The following UBR2 variants were observed in gnomAD, a reference collection of about 807,000 sequenced individuals.
The protein encoded by UBR2 is ubiquitin protein ligase E3 component n-recognin 2.
UBR2 carries 92 observed loss-of-function variants against 247.9 expected under a neutral mutation model. The observed-to-expected ratio is 0.37, with a 90% CI of 0.31 to 0.44. The LOEUF is 0.44. Ranked by LOEUF, UBR2 falls within the 20% of genes least tolerant of loss-of-function variation. The probability of loss-of-function intolerance (pLI) is 1.00; values close to 1 mark genes in which losing one functional copy is unlikely to be tolerated. For missense variants in UBR2, 1,613 were observed against 2,112.6 expected, an observed-to-expected ratio of 0.76 and a Z score of 4.64; for synonymous variants, 672 against 693.5, an observed-to-expected ratio of 0.97 and a Z score of 0.49.
At chr6:42,612,807 T>TA (rs1237511054) in intron 8 of UBR2, among the ~76,000 whole-genome samples, 2 of 152,030 alleles carry the variant, frequency 1.3e-5, no homozygotes, top group Non-Finnish European at 2.9e-5. Flanking sequence ...TTTGCGTTTT[T>TA]AAAAAATTTT....
intron 27 of UBR2, 41 bp from the exon 28 acceptor site, chr6:42,658,199 A>T (rs565500058): frequency 1.2e-6 from 2 of 1,609,734 alleles, no homozygotes; most frequent in Non-Finnish European, 1.7e-6. Context: ...GTACATTGTG[A>T]TCATATTTCA....
At chr6:42,653,606 CTTTTTTTTTTTTTTTT>C (rs72460060) in intron 25 of UBR2, among the ~76,000 whole-genome samples, 1 of 50,582 alleles carries the variant, frequency 2.0e-5, no homozygotes, top group Non-Finnish European at 3.3e-5. Flanking sequence ...ATGCTAAGCC[CTTTTTTTTTTTTTTTT>C]TTTTTTTTTT....
At chr6:42,690,255 C>A (rs1799679473) in intron 46 of UBR2, among the ~76,000 whole-genome samples, 1 of 152,226 alleles carries the variant, frequency 6.6e-6, no homozygotes. Flanking sequence ...CCTGTCCAGC[C>A]TTAAGTAGCA....
intron 14 of UBR2, among the ~76,000 whole-genome samples, chr6:42,635,852 C>G (rs1178405589): frequency 6.6e-6 from 1 of 152,010 alleles, no homozygotes; most frequent in Non-Finnish European, 1.5e-5. Context: ...TAAATTTATT[C>G]AAAAATAAAG....
chr6:42,602,150 TGAGCCACCGTGCCCGGCC>T (rs1281747671), intron 4 of UBR2, among the ~76,000 whole-genome samples: 3 of 151,912 alleles, frequency 2.0e-5, no homozygotes, highest in African/African-American at 7.3e-5. Context: ...ATTACAGGCG[TGAGCCACCGTGCCCGGCC>T]AAGCCACCAT....
chr6:42,615,301 C>T (rs1582541871), intron 9 of UBR2, 123 bp downstream of exon 9: 2 of 610,596 alleles, frequency 3.3e-6, no homozygotes, highest in Admixed American at 4.1e-5. Flanking sequence ...ATTAGCATTG[C>T]AGTCTTAGTC....
Position 42,689,702 on chromosome 6 carries a change from G to A in UBR2, c.5126+32G>A, listed in dbSNP as rs7753815. Reference sequence around the variant, plus strand: ...ACCCATCCTGAGTTAGCTAACTCAGGGCCTGCAGCGCCCTTCCGTATGTGG... The same window carrying A: ...ACCCATCCTGAGTTAGCTAACTCAGAGCCTGCAGCGCCCTTCCGTATGTGG... On this transcript the variant is annotated intron_variant, in intron 46 of 46. Transcript: ENST00000372901. The surrounding 1 kb of genome is among the most constrained non-coding windows in gnomAD (Gnocchi z 4.0). 1 of 1,589,272 alleles carries A rather than the reference G, an allele frequency of 6.3e-7. No homozygotes were observed. The highest frequency in any genetic ancestry group is 1.3e-5 in the African/African-American group (1 of 74,454).
At chr6:42,687,396 A>C (rs1799501988) in intron 44 of UBR2, among the ~76,000 whole-genome samples, 1 of 152,228 alleles carries the variant, frequency 6.6e-6, no homozygotes, top group Non-Finnish European at 1.5e-5. Flanking sequence ...AGACAGGAGA[A>C]TCAGGCAGGG....
Position 42,659,926 on chromosome 6 carries a change from G to C in UBR2, c.3442+71G>C. ...CAGTTAATGTGGTTGGTGATACGTTGAGATTTTTTAAACCTAAAAATAACT... is the reference window on the plus strand; with the variant it reads ...CAGTTAATGTGGTTGGTGATACGTTCAGATTTTTTAAACCTAAAAATAACT... On this transcript the variant is annotated intron_variant, in intron 30 of 46. Transcript: ENST00000372901. The surrounding 1 kb of genome is among the most constrained non-coding windows in gnomAD (Gnocchi z 4.3). 4.7e-6 allele frequency: 7 copies of C among 1,480,806 alleles called. No individual in the cohort carries two copies. The highest frequency in any genetic ancestry group is 6.5e-6 in the Non-Finnish European group (7 of 1,075,538). 91.7% of individuals were successfully genotyped at this position (1,480,806 alleles called of 1,614,324 possible).
At position 42,688,353 on chromosome 6, in the gene UBR2, A is replaced by G. The variant is rs370358393; in HGVS notation, c.4991A>G (p.Tyr1664Cys). The change falls in exon 45 of 47, where the codon TAC (tyrosine) becomes TGC (cysteine). Residue 1664 changes from tyrosine (Y) to cysteine (C), a missense_variant. Coordinates refer to ENST00000372901, the MANE Select transcript of UBR2 (RefSeq NM_001363705.2). ...GTAGGAGCCTGCACAGCTCACACCT[A>G]CTCCTGTGGCTCTGGAGTGGGCATC... ...EDVGACTAHTYSCGSGVGIFL... is the reference protein window; with the variant it reads ...EDVGACTAHTCSCGSGVGIFL... 3.1e-6 allele frequency: 5 copies of G among 1,613,434 alleles called. No individual in the cohort carries two copies. Among genetic ancestry groups the G allele is most frequent in the South Asian group, 1.1e-5 (1 of 91,046 alleles).
At position 42,690,808 on chromosome 6, in the gene UBR2, G is replaced by A. The variant is rs568909460; in HGVS notation, c.5127-224G>A. On this transcript the variant is annotated intron_variant, in intron 46 of 46. Coordinates refer to ENST00000372901, the MANE Select transcript of UBR2 (RefSeq NM_001363705.2). Reference sequence around the variant, plus strand: ...ACCTCACTCTGGGTAAGTCTGGTTTGTGTACCTTTCCTTCCTCATTTCAGC... The same window carrying A: ...ACCTCACTCTGGGTAAGTCTGGTTTATGTACCTTTCCTTCCTCATTTCAGC... Among the ~76,000 whole-genome samples, 3 of 152,262 alleles carry A rather than the reference G, an allele frequency of 2.0e-5. 1 individual carries two copies. Among genetic ancestry groups the A allele is most frequent in the African/African-American group, 7.2e-5 (3 of 41,528 alleles).
intron 4 of UBR2, among the ~76,000 whole-genome samples, chr6:42,595,204 A>G (rs1792891278): frequency 1.3e-5 from 2 of 152,200 alleles, no homozygotes; most frequent in South Asian, 4.1e-4. Context: ...AATATACAGT[A>G]AATTGTTAAT....
At chr6:42,628,541 G>A (rs1267979984) in intron 11 of UBR2, among the ~76,000 whole-genome samples, 1 of 152,026 alleles carries the variant, frequency 6.6e-6, no homozygotes, top group African/African-American at 2.4e-5. Flanking sequence ...GGCCAACATG[G>A]TGAAACCCCG....
At chr6:42,627,090 G>A (rs1432096911) in intron 11 of UBR2, among the ~76,000 whole-genome samples, 3 of 152,092 alleles carry the variant, frequency 2.0e-5, no homozygotes, top group Non-Finnish European at 4.4e-5. Context: ...CAACAATTTA[G>A]AGCCTAGGTT....
chr6:42,658,570 G>A lies in UBR2; in HGVS notation c.3064-76G>A, dbSNP rs139110634. ...AATAGTTTTTTAATTGGTATTTACA[G>A]TGAAGATATTTCTGCTTTGGAAAAA... is the stretch of plus-strand genomic sequence containing the variant. On this transcript the variant is annotated intron_variant, in intron 28 of 46. Transcript: ENST00000372901. The A allele has an allele frequency of 6.5e-3, 9,013 of 1,376,042 alleles. 55 individuals carry two copies. Among genetic ancestry groups the A allele is most frequent in the Middle Eastern group, 0.028 (152 of 5,362 alleles). The allele number at this position is 1,376,042 out of a possible 1,614,324, so 85.2% of individuals were successfully genotyped here.
intron 11 of UBR2, among the ~76,000 whole-genome samples, chr6:42,628,584 A>G (rs1328765869): frequency 1.3e-5 from 2 of 152,142 alleles, no homozygotes; most frequent in East Asian, 1.9e-4. Context: ...TTAGCTGGGC[A>G]TGGTGGCAGG....
intron 8 of UBR2, among the ~76,000 whole-genome samples, chr6:42,613,778 A>G (rs1162005971): frequency 1.3e-5 from 2 of 152,016 alleles, no homozygotes; most frequent in Non-Finnish European, 2.9e-5. Context: ...ATAGGTCTTT[A>G]GCCTTTTAAA....
At chr6:42,649,539 G>A (rs750662567) in intron 22 of UBR2, among the ~76,000 whole-genome samples, 6 of 152,094 alleles carry the variant, frequency 3.9e-5, no homozygotes, top group African/African-American at 7.2e-5. Context: ...AAAAGTCCTC[G>A]ATTTACACTC....
At chr6:42,636,181 TG>T (rs1288565449) in intron 14 of UBR2, among the ~76,000 whole-genome samples, 1,271 of 58,624 alleles carry the variant, frequency 0.022, 34 homozygotes, top group African/African-American at 0.04. Context: ...TTTTTTTTTT[TG>T]TTTTTTTTTT....
Sources: gnomAD v4.1 joint callset for allele counts (sites outside exome capture counted in the v4.1 genomes callset) on GRCh38, gnomAD v4.1.1 for gene constraint, Gnocchi (gnomAD v3.1) non-coding constraint, MANE v1.5 for transcripts, NCBI Gene and HGNC (gene_info 2026-07-23, HGNC 2026-07-21) for gene names.